CHL1: variants seen among roughly 807,000 people sequenced by gnomAD.
CHL1 encodes the protein neural cell adhesion molecule L1-like protein.
CHL1 carries 96 observed loss-of-function variants against 141.9 expected under a neutral mutation model. The observed-to-expected ratio is 0.68, with a 90% CI of 0.57 to 0.80. The LOEUF is 0.80. CHL1 is among the 30% of genes least tolerant of loss of function. The pLI is 0.00. For missense variants in CHL1, 1,820 were observed against 1,457.2 expected (o/e 1.25, Z -4.05); for synonymous variants, 613 against 502.2 (o/e 1.22, Z -2.95).
intron 2 of CHL1, among the ~76,000 whole-genome samples, chr3:279,480 C>T (rs776938260): frequency 1.1e-4 from 17 of 152,144 alleles, no homozygotes; most frequent in Non-Finnish European, 2.4e-4. Context: ...GCAGTCTTTT[C>T]CCTTTATGTC....
chr3:197,995 C>T, intron 1 of CHL1: 1 of 356,550 alleles, frequency 2.8e-6, no homozygotes, highest in Admixed American at 3.5e-5. Context: ...TCCCACTCTC[C>T]GGGCTCGCTG....
At chr3:396,017 T>C (rs1277665671) in intron 24 of CHL1, among the ~76,000 whole-genome samples, 1 of 152,208 alleles carries the variant, frequency 6.6e-6, no homozygotes, top group East Asian at 1.9e-4. Context: ...TTATTGTGCC[T>C]ACTATATCTA....
intron 3 of CHL1, among the ~76,000 whole-genome samples, chr3:323,984 A>C (rs747759746): frequency 1.3e-5 from 2 of 150,794 alleles, no homozygotes; most frequent in African/African-American, 2.5e-5. Context: ...GAATTATTTT[A>C]AATAAATTCA....
chr3:365,928 T>A (rs754144967), intron 14 of CHL1, 22 bp from the exon 15 acceptor site: 59 of 1,602,116 alleles, frequency 3.7e-5, no homozygotes, highest in Non-Finnish European at 5.0e-5. Context: ...TTCTAACTAA[T>A]ATCTTTGTTT....
intron 1 of CHL1, chr3:197,623 CCCAGCCCGGGGGGGGTTCCGAAAATGCCG>C (rs1310215862): frequency 1.2e-5 from 4 of 333,688 alleles, no homozygotes; most frequent in Non-Finnish European, 2.3e-5. Context: ...GATTCTAGAT[CCCAGCCCGGGGGGGGTTCCGAAAATGCCG>C]CCAGCCTGGA....
At chr3:398,433 T>C in intron 25 of CHL1, 48 bp downstream of exon 25, 2 of 1,239,880 alleles carry the variant, frequency 1.6e-6, no homozygotes, top group Non-Finnish European at 2.3e-6. Flanking sequence ...ATCTATGTCC[T>C]GTAGAATACT....
rs1708543667 is a variant in CHL1, at chr3:394,889, T to C, written c.3094+17T>C. On this transcript the variant is annotated intron_variant, in intron 24 of 27. Transcript: ENST00000256509. The stretch of plus-strand genomic sequence containing the variant: ...GAGAAGGGAGTAAGTACATGAGGCT[T>C]CTCTTTTTAATAGAGGCTTTAAAAA... 10 of 1,576,070 alleles carry C rather than the reference T, an allele frequency of 6.3e-6. No individual in the cohort carries two copies. The highest frequency in any genetic ancestry group is 8.6e-6 in the Non-Finnish European group (10 of 1,165,462).
At chr3:328,565 A>G in intron 5 of CHL1, 1 of 410,144 alleles carries the variant, frequency 2.4e-6, no homozygotes, top group Non-Finnish European at 4.3e-6. Flanking sequence ...TGTTTCAGTA[A>G]CCTTATATCT....
At chr3:280,386 T>C (rs1423465348) in intron 2 of CHL1, among the ~76,000 whole-genome samples, 1 of 152,028 alleles carries the variant, frequency 6.6e-6, no homozygotes, top group African/African-American at 2.4e-5. Context: ...GAAAAGAGAA[T>C]CTGTGGCAAA....
rs923608055 is a variant in CHL1 at position 408,764 on chromosome 3, A to C, written c.*3053A>C. 3 of 152,138 alleles carry C rather than the reference A, an allele frequency of 2.0e-5. No homozygotes were observed. Among genetic ancestry groups the C allele is most frequent in the African/African-American group, 7.2e-5 (3 of 41,454 alleles). 9.4% of individuals were successfully genotyped at this position (152,138 alleles called of 1,614,324 possible). A position where few individuals can be genotyped will look rare whatever the true frequency, so the allele number is the denominator to read the frequency against. On this transcript the variant is annotated 3_prime_UTR_variant, in exon 28 of 28. Transcript: ENST00000256509. ...AAGAAAATTAAGCAGGGTCTTTGCT[A>C]TACAAAAGTGTTTTCCACTAATTTT...
intron 2 of CHL1, among the ~76,000 whole-genome samples, chr3:295,648 T>C (rs1270904595): frequency 6.6e-6 from 1 of 152,128 alleles, no homozygotes; most frequent in Non-Finnish European, 1.5e-5. Context: ...TCTAAAACAG[T>C]GAAGGGTCAG....
chr3:373,194 T>A (rs1209039435), intron 15 of CHL1, among the ~76,000 whole-genome samples: 1 of 152,220 alleles, frequency 6.6e-6, no homozygotes, highest in Non-Finnish European at 1.5e-5. Context: ...TCCTCAGAAC[T>A]ACCAGGAGGA....
chr3:337,893 T>A (rs192518304), intron 5 of CHL1, among the ~76,000 whole-genome samples: 7 of 152,314 alleles, frequency 4.6e-5, no homozygotes, highest in African/African-American at 7.2e-5. Flanking sequence ...TACCCAGTAA[T>A]GGGATGGCTG....
Position 341,679 on chromosome 3 carries a change from T to G in CHL1, c.509-233T>G, listed in dbSNP as rs190374895. On this transcript the variant is annotated intron_variant, in intron 6 of 27. Coordinates refer to ENST00000256509, the MANE Select transcript of CHL1 (RefSeq NM_006614.4). ...GAGTTTACCACTGTTTGTCTACTGGTGGACTTCTTTGGTTAATGGTAAAAA... is the reference window on the plus strand; with the variant it reads ...GAGTTTACCACTGTTTGTCTACTGGGGGACTTCTTTGGTTAATGGTAAAAA... 3.0e-3 allele frequency among the ~76,000 whole-genome samples: 450 copies of G among 152,302 alleles called. 6 individuals are homozygous for G. Among genetic ancestry groups the G allele is most frequent in the Non-Finnish European group, 4.5e-3 (303 of 68,002 alleles).
At chr3:342,888 T>C (rs1702449331) in intron 7 of CHL1, 96 bp from the exon 8 acceptor site, 1 of 930,730 alleles carries the variant, frequency 1.1e-6, no homozygotes. Flanking sequence ...CATCATTTTG[T>C]AATTTTTCTA....
At chr3:322,441 T>G (rs1236752563) in intron 3 of CHL1, among the ~76,000 whole-genome samples, 3 of 151,460 alleles carry the variant, frequency 2.0e-5, no homozygotes, top group Non-Finnish European at 2.9e-5. Flanking sequence ...TCTGTGAGAT[T>G]AAACTGTTTT....
At chr3:211,892 C>A (rs762629560) in intron 1 of CHL1, among the ~76,000 whole-genome samples, 31 of 152,154 alleles carry the variant, frequency 2.0e-4, no homozygotes, top group Non-Finnish European at 3.8e-4. Flanking sequence ...AGATAGGTAT[C>A]AGTCCTCTTT....
intron 13 of CHL1, 41 bp downstream of exon 13, chr3:361,851 T>A (rs1704285327): frequency 7.6e-7 from 1 of 1,313,856 alleles, no homozygotes; most frequent in African/African-American, 1.5e-5. Context: ...GAATGTCAAT[T>A]GTAGATTTGA....
At chr3:338,105 C>T (rs1379543204) in intron 5 of CHL1, among the ~76,000 whole-genome samples, 1 of 152,098 alleles carries the variant, frequency 6.6e-6, no homozygotes, top group South Asian at 2.1e-4. Context: ...ACCTTGTGAT[C>T]CGCCCACCTC....
Sources: allele counts gnomAD v4.1 joint callset (sites outside exome capture counted in the v4.1 genomes callset), GRCh38; gene constraint gnomAD v4.1.1; transcripts MANE v1.5; gene names NCBI Gene and HGNC (gene_info 2026-07-23, HGNC 2026-07-21).